The following BTBD7 variants were observed in gnomAD, a reference collection of about 807,000 sequenced individuals.
The protein encoded by BTBD7 is BTB/POZ domain-containing protein 7.
A neutral mutation model predicts 99.9 loss-of-function variants in BTBD7; 38 were observed. The ratio of observed to expected loss-of-function variants is 0.38; its 90% CI spans 0.29 to 0.50. The LOEUF (loss-of-function observed/expected upper bound fraction) is 0.50, where lower values mean the gene tolerates loss of function less well. Among genes scored for constraint, BTBD7 ranks in the 20% least tolerant of loss-of-function variants. The pLI is 0.93. For synonymous variants in BTBD7, 520 were observed against 511.4 expected (o/e 1.02, Z -0.23); for missense variants, 1,170 against 1,394.6 (o/e 0.84, Z 2.57).
At chr14:93,295,305 G>A (rs943109969) in intron 2 of BTBD7, among the ~76,000 whole-genome samples, 3 of 151,784 alleles carry the variant, frequency 2.0e-5, no homozygotes, top group Non-Finnish European at 4.4e-5. Flanking sequence ...TCTTTTTTTG[G>A]TAGAGATAGG....
At chr14:93,329,436 A>G (rs1054958286) in intron 1 of BTBD7, among the ~76,000 whole-genome samples, 4 of 152,324 alleles carry the variant, frequency 2.6e-5, no homozygotes, top group Non-Finnish European at 4.4e-5. Flanking sequence ...GTGGGGTTGT[A>G]AAATTTTCTG....
chr14:93,289,281 T>C (rs551909467), intron 3 of BTBD7, among the ~76,000 whole-genome samples: 1 of 152,254 alleles, frequency 6.6e-6, no homozygotes, highest in South Asian at 2.1e-4. Context: ...CAAAACCACA[T>C]CCTTTTCTAA....
chr14:93,278,798 C>A (rs1453405985), intron 3 of BTBD7, among the ~76,000 whole-genome samples: 1 of 152,028 alleles, frequency 6.6e-6, no homozygotes, highest in Non-Finnish European at 1.5e-5. Flanking sequence ...AGTTTCTGTC[C>A]CTTTTAATAG....
chr14:93,286,031 T>C (rs552876627), intron 3 of BTBD7, among the ~76,000 whole-genome samples: 13 of 152,280 alleles, frequency 8.5e-5, no homozygotes, highest in South Asian at 8.3e-4. Flanking sequence ...CCTGGGACCC[T>C]GGCCACTAAA....
intron 5 of BTBD7, 84 bp from the exon 6 acceptor site, chr14:93,257,439 C>T (rs2052443166): frequency 7.9e-7 from 1 of 1,263,098 alleles, no homozygotes. Flanking sequence ...CATACACTAA[C>T]AGTACCACTC....
At chr14:93,273,111 C>A (rs908241000) in intron 3 of BTBD7, among the ~76,000 whole-genome samples, 8 of 152,178 alleles carry the variant, frequency 5.3e-5, no homozygotes, top group Admixed American at 2.6e-4. Context: ...GACCAAATGG[C>A]AAAAGGTCTC....
At chr14:93,331,886 C>CG (rs2053426568) in intron 1 of BTBD7, among the ~76,000 whole-genome samples, 3 of 147,242 alleles carry the variant, frequency 2.0e-5, no homozygotes, top group Non-Finnish European at 1.5e-5. Flanking sequence ...GTCTCCCCCC[C>CG]CCCAAAAAGG....
Position 93,285,177 on chromosome 14 carries a change from A to G in BTBD7, c.1162+8681T>C, listed in dbSNP as rs1179158335. On this transcript the variant is annotated intron_variant, in intron 3 of 10. Coordinates refer to ENST00000334746, the MANE Select transcript of BTBD7 (RefSeq NM_001002860.4). ...AACTGAGACAGAGGGAAGAGTGTCA[A>G]TATGTAGACAGTGGAGGTTGGGAAG... Among the ~76,000 whole-genome samples, 4 of 152,184 alleles carry G rather than the reference A, an allele frequency of 2.6e-5. No individual in the cohort carries two copies. The East Asian group carries it at 5.8e-4, about 22-fold the overall frequency.
At chr14:93,293,788 G>T in intron 3 of BTBD7, 70 bp downstream of exon 3, 1 of 1,515,030 alleles carries the variant, frequency 6.6e-7, no homozygotes, top group South Asian at 1.3e-5. Flanking sequence ...AGAATATACT[G>T]GTTGTGTTTT....
intron 3 of BTBD7, among the ~76,000 whole-genome samples, chr14:93,273,665 C>CTT (rs1459546450): frequency 6.6e-6 from 1 of 152,158 alleles, no homozygotes; most frequent in Non-Finnish European, 1.5e-5. Context: ...CAACTCCTTG[C>CTT]TAGAGAGCAG....
intron 3 of BTBD7, among the ~76,000 whole-genome samples, chr14:93,273,274 G>A (rs1242914362): frequency 6.6e-6 from 1 of 152,156 alleles, no homozygotes; most frequent in Non-Finnish European, 1.5e-5. Context: ...AAACATTAGT[G>A]ACTATAAGGC....
intron 3 of BTBD7, chr14:93,288,769 C>G: frequency 6.3e-7 from 1 of 1,585,954 alleles, no homozygotes; most frequent in Non-Finnish European, 8.5e-7. Context: ...TGTAATTTCA[C>G]TGTGGAAACC....
chr14:93,281,089 G>C (rs970371396), intron 3 of BTBD7, among the ~76,000 whole-genome samples: 1 of 151,766 alleles, frequency 6.6e-6, no homozygotes, highest in East Asian at 1.9e-4. Context: ...TGCAATCTGC[G>C]CTTCTTGGGC....
chr14:93,262,133 ATTTTTTTT>A (rs747240844), intron 4 of BTBD7, among the ~76,000 whole-genome samples: 1 of 140,690 alleles, frequency 7.1e-6, no homozygotes, highest in African/African-American at 2.6e-5. Flanking sequence ...CACCCAGCTA[ATTTTTTTT>A]TTTTTTTTTG....
rs377319834 is a variant in BTBD7 at position 93,325,894 on chromosome 14, CAT to C, written c.-107+6924_-107+6925del. On this transcript the variant is annotated intron_variant, in intron 1 of 10. Transcript: ENST00000334746. ...TATTTCAATCTTAACATAATGCTCA[CAT>C]GTCACACAATGACATGGATTTAATG... Among the ~76,000 whole-genome samples the C allele has an allele frequency of 8.5e-4, 129 of 152,280 alleles. 3 individuals carry two copies. The highest frequency in any genetic ancestry group is 2.9e-3 in the African/African-American group (120 of 41,538).
chr14:93,273,880 T>G (rs1478363704), intron 3 of BTBD7, among the ~76,000 whole-genome samples: 1 of 151,664 alleles, frequency 6.6e-6, no homozygotes, highest in Non-Finnish European at 1.5e-5. Flanking sequence ...CTATATGCAC[T>G]GGCAGGTCCT....
intron 3 of BTBD7, among the ~76,000 whole-genome samples, chr14:93,272,206 C>T (rs555835380): frequency 6.6e-6 from 1 of 151,694 alleles, no homozygotes; most frequent in Non-Finnish European, 1.5e-5. Context: ...CGCTTGAACC[C>T]GGGAGGTAGA....
chr14:93,282,342 T>C (rs1265664375), intron 3 of BTBD7, among the ~76,000 whole-genome samples: 3 of 151,756 alleles, frequency 2.0e-5, no homozygotes, highest in Non-Finnish European at 2.9e-5. Flanking sequence ...TTTCTTTTTT[T>C]TTTTTTTTGA....
At chr14:93,243,622 C>T (rs369167871) in intron 10 of BTBD7, among the ~76,000 whole-genome samples, 2 of 152,146 alleles carry the variant, frequency 1.3e-5, no homozygotes, top group African/African-American at 4.8e-5. Context: ...TGCATATATA[C>T]TGATGAAATT....
Sources: allele counts gnomAD v4.1 joint callset (sites outside exome capture counted in the v4.1 genomes callset), GRCh38; gene constraint gnomAD v4.1.1; transcripts MANE v1.5; gene names NCBI Gene and HGNC (gene_info 2026-07-23, HGNC 2026-07-21).